ROR1: variants seen among roughly 807,000 people sequenced by gnomAD.
ROR1 encodes the protein inactive tyrosine-protein kinase transmembrane receptor ROR1.
In ROR1, 19 loss-of-function variants were observed where a neutral mutation model predicts 78.8. The observed-to-expected ratio is 0.24, with a 90% CI of 0.17 to 0.35. The LOEUF (loss-of-function observed/expected upper bound fraction) is 0.35. ROR1 is among the 10% of genes least tolerant of loss of function. ROR1 has a pLI of 1.00. For synonymous variants in ROR1, 386 were observed against 433.6 expected, an observed-to-expected ratio of 0.89 and a Z score of 1.36; for missense variants, 917 against 1,177.8, an observed-to-expected ratio of 0.78 and a Z score of 3.24.
intron 1 of ROR1, among the ~76,000 whole-genome samples, chr1:64,006,273 T>C (rs1646426904): frequency 6.6e-6 from 1 of 152,234 alleles, no homozygotes. Context: ...CTTCCTTCCC[T>C]GAAATGCCGC....
chr1:63,943,093 T>A (rs1202454378), intron 1 of ROR1, among the ~76,000 whole-genome samples: 1 of 115,028 alleles, frequency 8.7e-6, no homozygotes, highest in Non-Finnish European at 1.7e-5. Flanking sequence ...ACCCTGTCTT[T>A]AAAAAAAAAA....
At chr1:64,111,535 C>T (rs1321588925) in intron 4 of ROR1, among the ~76,000 whole-genome samples, 1 of 152,174 alleles carries the variant, frequency 6.6e-6, no homozygotes, top group African/African-American at 2.4e-5. Flanking sequence ...CATGGGTCCC[C>T]AGCAAGCTGA....
At chr1:64,127,260 C>T (rs1243445295) in intron 4 of ROR1, among the ~76,000 whole-genome samples, 1 of 152,156 alleles carries the variant, frequency 6.6e-6, no homozygotes, top group African/African-American at 2.4e-5. Flanking sequence ...TTATAATGGA[C>T]ACTGCAAGAA....
chr1:64,139,164 CAAAA>C (rs755368714), intron 5 of ROR1, among the ~76,000 whole-genome samples: 5 of 20,654 alleles, frequency 2.4e-4, no homozygotes, highest in Non-Finnish European at 5.8e-4. Context: ...GAGACTGTCT[CAAAA>C]AAAAAAAAAA....
chr1:63,837,252 A>G lies in ROR1; in HGVS notation c.91+62744A>G, dbSNP rs986369836. On this transcript the variant is annotated intron_variant, in intron 1 of 8. Coordinates refer to ENST00000371079, the MANE Select transcript of ROR1 (RefSeq NM_005012.4). ...TGCATTCATTTCCCAAAGCTCTTCC[A>G]ATAATTGTATTCTTTTAAAAAATAT... Among the ~76,000 whole-genome samples the G allele has an allele frequency of 2.6e-4, 40 of 152,326 alleles. 1 individual carries two copies. Among genetic ancestry groups the G allele is most frequent in the Middle Eastern group, 3.4e-3 (1 of 294 alleles).
At chr1:64,035,019 T>C (rs1041452675) in intron 2 of ROR1, among the ~76,000 whole-genome samples, 3 of 152,210 alleles carry the variant, frequency 2.0e-5, no homozygotes, top group African/African-American at 7.2e-5. Flanking sequence ...AAATCCTCAG[T>C]AGCTCTTCAG....
chr1:64,093,014 C>T (rs1347180548), intron 4 of ROR1, among the ~76,000 whole-genome samples: 2 of 152,220 alleles, frequency 1.3e-5, no homozygotes, highest in African/African-American at 4.8e-5. Flanking sequence ...AGGGTGACCA[C>T]TTAGGACAGC....
intron 1 of ROR1, among the ~76,000 whole-genome samples, chr1:64,008,323 C>T (rs1646446363): frequency 6.6e-6 from 1 of 152,300 alleles, no homozygotes; most frequent in Middle Eastern, 3.4e-3. Context: ...CATAGTATTC[C>T]ATGGTATATA....
At chr1:63,812,292 T>C (rs1644864631) in intron 1 of ROR1, among the ~76,000 whole-genome samples, 1 of 152,172 alleles carries the variant, frequency 6.6e-6, no homozygotes, top group Admixed American at 6.5e-5. Context: ...AAATAAAGTT[T>C]TGTTGGAACA....
intron 2 of ROR1, among the ~76,000 whole-genome samples, chr1:64,027,000 T>C (rs1646616940): frequency 6.6e-6 from 1 of 152,254 alleles, no homozygotes. Flanking sequence ...CAACAATCTG[T>C]TATGAAACTT....
chr1:63,887,130 A>G (rs1453227802), intron 1 of ROR1, among the ~76,000 whole-genome samples: 1 of 151,736 alleles, frequency 6.6e-6, no homozygotes, highest in Non-Finnish European at 1.5e-5. Flanking sequence ...GGCACAGACC[A>G]CCTTTGAGGG....
chr1:64,069,381 G>A (rs980667487), intron 4 of ROR1, among the ~76,000 whole-genome samples: 2 of 151,950 alleles, frequency 1.3e-5, no homozygotes, highest in South Asian at 2.1e-4. Context: ...TACAGAACTC[G>A]TAACTTCTCC....
intron 1 of ROR1, among the ~76,000 whole-genome samples, chr1:63,904,535 C>G (rs1645513366): frequency 6.6e-6 from 1 of 152,168 alleles, no homozygotes; most frequent in African/African-American, 2.4e-5. Flanking sequence ...CAACTTTAAA[C>G]CAGCCTGTTA....
intron 1 of ROR1, among the ~76,000 whole-genome samples, chr1:63,975,292 T>C (rs1007205281): frequency 5.3e-5 from 8 of 152,350 alleles, no homozygotes; most frequent in Non-Finnish European, 8.8e-5. Flanking sequence ...TATGTTTTTA[T>C]AGTACTATAG....
chr1:63,799,264 T>C (rs908879740), intron 1 of ROR1, among the ~76,000 whole-genome samples: 3 of 152,022 alleles, frequency 2.0e-5, no homozygotes. Flanking sequence ...GTCATTTCCC[T>C]TCCTCAAAAA....
At chr1:63,805,431 A>G (rs1044383997) in intron 1 of ROR1, among the ~76,000 whole-genome samples, 1 of 152,256 alleles carries the variant, frequency 6.6e-6, no homozygotes, top group African/African-American at 2.4e-5. Flanking sequence ...TAGACAGCAG[A>G]AAGAAGATGG....
intron 1 of ROR1, among the ~76,000 whole-genome samples, chr1:63,855,850 C>A (rs910375522): frequency 1.3e-5 from 2 of 151,298 alleles, no homozygotes; most frequent in South Asian, 2.1e-4. Flanking sequence ...GTAGAGACGG[C>A]GTTTCACCAT....
intron 4 of ROR1, among the ~76,000 whole-genome samples, chr1:64,134,053 C>T (rs556003309): frequency 3.3e-4 from 50 of 152,248 alleles, no homozygotes; most frequent in African/African-American, 1.0e-3. Context: ...ACTCCATTGC[C>T]AAGCCACTTG....
chr1:63,954,230 G>A (rs191587964), intron 1 of ROR1, among the ~76,000 whole-genome samples: 8 of 152,286 alleles, frequency 5.3e-5, no homozygotes, highest in Admixed American at 3.3e-4. Context: ...AAGGTGGCAC[G>A]TCAGTGTGCC....
Sources: allele counts gnomAD v4.1 joint callset (sites outside exome capture counted in the v4.1 genomes callset), GRCh38; gene constraint gnomAD v4.1.1; transcripts MANE v1.5; gene names NCBI Gene and HGNC (gene_info 2026-07-23, HGNC 2026-07-21).